Variants in RYR3 observed in about 807,000 individuals in gnomAD.
RYR3 encodes ryanodine receptor 3.
A neutral mutation model predicts 584.3 loss-of-function variants in RYR3; 207 were observed. The observed-to-expected ratio is 0.35, with a 90% confidence interval of 0.32 to 0.40. The LOEUF (loss-of-function observed/expected upper bound fraction) is 0.40, where lower values mean the gene tolerates loss of function less well. Among genes scored for constraint, RYR3 ranks in the 10% least tolerant of loss-of-function variants. The probability of loss-of-function intolerance (pLI) is 1.00; values close to 1 mark genes in which losing one functional copy is unlikely to be tolerated. For synonymous variants in RYR3, 2,416 were observed against 2,248.5 expected, an observed-to-expected ratio of 1.07 and a Z score of -2.11; for missense variants, 5,616 against 6,089.2, an observed-to-expected ratio of 0.92 and a Z score of 2.59.
At chr15:33,504,613 C>T (rs1032996366) in intron 3 of RYR3, among the ~76,000 whole-genome samples, 1 of 152,174 alleles carries the variant, frequency 6.6e-6, no homozygotes, top group Non-Finnish European at 1.5e-5. Flanking sequence ...ATTACAGTTG[C>T]CTGTTTTAAA....
intron 1 of RYR3, among the ~76,000 whole-genome samples, chr15:33,359,557 C>T (rs978017545): frequency 1.3e-5 from 2 of 152,138 alleles, no homozygotes; most frequent in Non-Finnish European, 2.9e-5. Flanking sequence ...GGTTTCTGCT[C>T]AAACACAGTC....
rs747261018 is a variant in RYR3, at chr15:33,838,411, T to C, written c.12431T>C (p.Met4144Thr). 5.1e-5 allele frequency: 83 copies of C among 1,613,920 alleles called. No homozygotes were observed. Among genetic ancestry groups the C allele is most frequent in the Non-Finnish European group, 5.5e-5 (65 of 1,179,914 alleles). ...CTTGAGCCGGCCTCTGCATTTGCTA[T>C]GGCCTGTGCCTCTGTGAAGAGGAAT... The part of the protein sequence containing the change: ...GSLEPASAFA[M>T]ACASVKRNVT... The change falls in exon 89 of 104, where the codon ATG becomes ACG. Residue 4144 changes from methionine (M) to threonine (T), a missense_variant. Coordinates refer to ENST00000634891, the MANE Select transcript of RYR3 (RefSeq NM_001036.6).
chr15:33,428,426 GTAATT>G (rs1157802850), intron 1 of RYR3, among the ~76,000 whole-genome samples: 2 of 152,168 alleles, frequency 1.3e-5, no homozygotes, highest in African/African-American at 4.8e-5. Flanking sequence ...GAAGATTTTA[GTAATT>G]TAATAATCCT....
At chr15:33,480,943 A>G (rs1020969403) in intron 2 of RYR3, among the ~76,000 whole-genome samples, 2 of 152,212 alleles carry the variant, frequency 1.3e-5, no homozygotes, top group African/African-American at 4.8e-5. Flanking sequence ...GTTAAAAACT[A>G]TGAGGATTTG....
At chr15:33,334,441 C>T (rs1426622305) in intron 1 of RYR3, among the ~76,000 whole-genome samples, 1 of 152,134 alleles carries the variant, frequency 6.6e-6, no homozygotes, top group Non-Finnish European at 1.5e-5. Context: ...AAGGGATTCC[C>T]TATTCAATAA....
chr15:33,578,835 C>T (rs920463389), intron 12 of RYR3, among the ~76,000 whole-genome samples: 1 of 151,702 alleles, frequency 6.6e-6, no homozygotes, highest in African/African-American at 2.4e-5. Flanking sequence ...AATTCTCAAT[C>T]ACTCAGGGCC....
chr15:33,623,149 C>G (rs532361963), intron 19 of RYR3, among the ~76,000 whole-genome samples: 1 of 152,280 alleles, frequency 6.6e-6, no homozygotes, highest in East Asian at 1.9e-4. Flanking sequence ...CACTGGGATC[C>G]CAGTGAGCAA....
chr15:33,754,794 C>T (rs1158975698), intron 57 of RYR3, among the ~76,000 whole-genome samples: 1 of 152,130 alleles, frequency 6.6e-6, no homozygotes. Context: ...CATGTAAATT[C>T]TTTCCGTAAG....
intron 16 of RYR3, among the ~76,000 whole-genome samples, chr15:33,593,198 C>G (rs1036729380): frequency 2.0e-5 from 3 of 152,170 alleles, no homozygotes; most frequent in African/African-American, 7.2e-5. Flanking sequence ...AAGCAGTTCC[C>G]AGCTTGAGTT....
intron 3 of RYR3, among the ~76,000 whole-genome samples, chr15:33,523,340 T>C (rs2054148147): frequency 6.6e-6 from 1 of 152,150 alleles, no homozygotes; most frequent in South Asian, 2.1e-4. Context: ...CTGCTCACTC[T>C]TTGGGTCCAC....
intron 1 of RYR3, among the ~76,000 whole-genome samples, chr15:33,373,318 T>C (rs970520072): frequency 6.6e-6 from 1 of 152,202 alleles, no homozygotes; most frequent in African/African-American, 2.4e-5. Flanking sequence ...GAGATCCAGA[T>C]GATGTGATGT....
intron 31 of RYR3, 68 bp from the exon 32 acceptor site, chr15:33,652,650 C>T: frequency 6.7e-7 from 1 of 1,498,662 alleles, no homozygotes; most frequent in Admixed American, 2.2e-5. Context: ...TTTTTCATTT[C>T]ATTCCTGAGT....
At chr15:33,385,009 C>T (rs557550944) in intron 1 of RYR3, among the ~76,000 whole-genome samples, 2 of 152,310 alleles carry the variant, frequency 1.3e-5, no homozygotes, top group East Asian at 3.9e-4. Flanking sequence ...CCCTTCCACC[C>T]TTAGATGTGC....
intron 1 of RYR3, among the ~76,000 whole-genome samples, chr15:33,381,273 G>A (rs2041172225): frequency 6.6e-6 from 1 of 152,228 alleles, no homozygotes; most frequent in South Asian, 2.1e-4. Flanking sequence ...AGATAAAGAG[G>A]CAGATCCAGA....
intron 20 of RYR3, among the ~76,000 whole-genome samples, chr15:33,624,368 C>T (rs2060878018): frequency 6.6e-6 from 1 of 152,186 alleles, no homozygotes; most frequent in Admixed American, 6.5e-5. Flanking sequence ...GGACAGTATG[C>T]ACCAGTAAAT....
At chr15:33,494,168 T>C (rs1375385924) in intron 2 of RYR3, among the ~76,000 whole-genome samples, 2 of 152,158 alleles carry the variant, frequency 1.3e-5, no homozygotes, top group Non-Finnish European at 2.9e-5. Context: ...TCAAAGGATA[T>C]TTGTCCTGCA....
At chr15:33,729,105 T>C (rs2152818632) in intron 47 of RYR3, 79 bp downstream of exon 47, 2 of 1,196,632 alleles carry the variant, frequency 1.7e-6, no homozygotes, top group Non-Finnish European at 1.2e-6. Context: ...GCAAATATTT[T>C]CTCTTTACTC....
At position 33,773,428 on chromosome 15, in the gene RYR3, G is replaced by C. The variant is rs2073758317; in HGVS notation, c.9056-106G>C. The C allele has an allele frequency of 9.1e-6, 7 of 772,562 alleles. No individual in the cohort carries two copies. The East Asian group carries it at 1.9e-4, about 21-fold the overall frequency. The allele number at this position is 772,562 out of a possible 1,614,324, so 47.9% of individuals were successfully genotyped here. A position where few individuals can be genotyped will look rare whatever the true frequency, so the allele number is the denominator to read the frequency against. On this transcript the variant is annotated intron_variant, in intron 63 of 103. Transcript: ENST00000634891. Reference sequence around the variant, plus strand: ...ATGTTTGTTGAGAGAGAAAGGGAGAGATCTTTTACTCTTTACTGATGCTCA... The same window carrying C: ...ATGTTTGTTGAGAGAGAAAGGGAGACATCTTTTACTCTTTACTGATGCTCA...
chr15:33,830,051 C>G (rs1020285627), intron 85 of RYR3, among the ~76,000 whole-genome samples: 2 of 152,140 alleles, frequency 1.3e-5, no homozygotes, highest in Admixed American at 1.3e-4. Context: ...TGAAGATGCT[C>G]TAAACATTGT....
Sources: allele counts gnomAD v4.1 joint callset (sites outside exome capture counted in the v4.1 genomes callset), GRCh38; gene constraint gnomAD v4.1.1; transcripts MANE v1.5; gene names NCBI Gene and HGNC (gene_info 2026-07-23, HGNC 2026-07-21).